The following DCC variants were observed in gnomAD, a reference collection of about 807,000 sequenced individuals.
The protein encoded by DCC is DCC netrin 1 receptor.
DCC carries 58 observed loss-of-function variants against 172.5 expected under a neutral mutation model. The ratio of observed to expected loss-of-function variants is 0.34; its 90% confidence interval spans 0.27 to 0.42. The LOEUF is 0.42. Among genes scored for constraint, DCC ranks in the 10% least tolerant of loss-of-function variants. The probability of loss-of-function intolerance (pLI) is 1.00; values close to 1 mark genes in which losing one functional copy is unlikely to be tolerated. For synonymous variants in DCC, 709 were observed against 644.5 expected, an observed-to-expected ratio of 1.10 and a Z score of -1.52; for missense variants, 1,740 against 1,791.0, an observed-to-expected ratio of 0.97 and a Z score of 0.51.
chr18:52,845,785 A>T (rs2038877787), intron 2 of DCC, among the ~76,000 whole-genome samples: 2 of 152,232 alleles, frequency 1.3e-5, no homozygotes, highest in Admixed American at 6.5e-5. Flanking sequence ...TCAGAAACTG[A>T]ACAAGGTTTA....
intron 16 of DCC, 105 bp from the exon 17 acceptor site, chr18:53,391,550 C>T (rs1255071401): frequency 4.0e-5 from 30 of 756,024 alleles, no homozygotes; most frequent in Non-Finnish European, 6.2e-5. Flanking sequence ...ATCATTATTG[C>T]CATGCATTTA....
intron 2 of DCC, chr18:52,759,158 G>A (rs78962926): frequency 1.7e-3 from 260 of 152,178 alleles, no homozygotes; most frequent in African/African-American, 5.9e-3. Context: ...TTGAGATACA[G>A]CCATCACCAA....
intron 12 of DCC, among the ~76,000 whole-genome samples, chr18:53,237,686 G>T (rs961634270): frequency 6.6e-6 from 1 of 152,006 alleles, no homozygotes; most frequent in Non-Finnish European, 1.5e-5. Flanking sequence ...GCATCTAAAA[G>T]TACATTATTT....
intron 6 of DCC, among the ~76,000 whole-genome samples, chr18:53,064,379 C>A (rs779967716): frequency 2.0e-5 from 3 of 152,136 alleles, no homozygotes; most frequent in Non-Finnish European, 4.4e-5. Flanking sequence ...GAACTTGCAG[C>A]TACAGAAGAG....
chr18:53,153,070 T>C (rs1009345019), intron 7 of DCC, among the ~76,000 whole-genome samples: 1 of 152,130 alleles, frequency 6.6e-6, no homozygotes, highest in Non-Finnish European at 1.5e-5. Context: ...GAGATGCCAA[T>C]TGGTTTGTGA....
At chr18:53,123,502 A>T (rs1350864014) in intron 7 of DCC, among the ~76,000 whole-genome samples, 1 of 152,112 alleles carries the variant, frequency 6.6e-6, no homozygotes, top group East Asian at 1.9e-4. Flanking sequence ...ATCTGAGCTC[A>T]TTAGAAAATT....
chr18:53,331,610 G>A (rs1183099517), intron 14 of DCC, among the ~76,000 whole-genome samples: 4 of 152,176 alleles, frequency 2.6e-5, no homozygotes, highest in African/African-American at 7.2e-5. Flanking sequence ...CAGGAAGTTG[G>A]CAGTGTTTAA....
At chr18:52,838,529 A>T in intron 2 of DCC, among the ~76,000 whole-genome samples, 1 of 152,232 alleles carries the variant, frequency 6.6e-6, no homozygotes, top group Non-Finnish European at 1.5e-5. Flanking sequence ...AGAAAAAGAA[A>T]ACTTAATTTT....
intron 2 of DCC, among the ~76,000 whole-genome samples, chr18:52,808,494 T>C (rs2038130546): frequency 1.3e-5 from 2 of 149,064 alleles, no homozygotes; most frequent in Admixed American, 6.7e-5. Flanking sequence ...AAAGACAAAA[T>C]AGAAAACAAT....
intron 1 of DCC, among the ~76,000 whole-genome samples, chr18:52,738,608 T>A (rs763201694): frequency 6.6e-6 from 1 of 152,202 alleles, no homozygotes; most frequent in Non-Finnish European, 1.5e-5. Flanking sequence ...GTACTTACTA[T>A]AGACTTCATA....
chr18:53,462,714 G>T (rs2045575083), intron 24 of DCC, among the ~76,000 whole-genome samples: 1 of 152,100 alleles, frequency 6.6e-6, no homozygotes, highest in Non-Finnish European at 1.5e-5. Context: ...GTTGGGAATG[G>T]CTGCTTTGTG....
At chr18:52,460,154 C>G (rs117220914) in intron 1 of DCC, among the ~76,000 whole-genome samples, 3,825 of 152,242 alleles carry the variant, frequency 0.025, 87 homozygotes, top group Middle Eastern at 0.068. Context: ...TGCCCCTGCT[C>G]TGCTTCTCTG....
At chr18:52,763,868 C>A (rs2037201199) in intron 2 of DCC, among the ~76,000 whole-genome samples, 1 of 152,172 alleles carries the variant, frequency 6.6e-6, no homozygotes, top group East Asian at 1.9e-4. Flanking sequence ...TCTTGGGCAT[C>A]TTCCTATATT....
intron 1 of DCC, among the ~76,000 whole-genome samples, chr18:52,544,096 C>A (rs762313758): frequency 3.9e-5 from 6 of 152,148 alleles, no homozygotes; most frequent in Non-Finnish European, 8.8e-5. Context: ...TAATTTGGCC[C>A]TGTTGTTCTG....
At chr18:52,620,608 G>A (rs1253643091) in intron 1 of DCC, among the ~76,000 whole-genome samples, 1 of 150,236 alleles carries the variant, frequency 6.7e-6, no homozygotes, top group Non-Finnish European at 1.5e-5. Flanking sequence ...AAGTTTAATT[G>A]TAGCTTTTTT....
chr18:52,375,879 A>C (rs1985324416), intron 1 of DCC, among the ~76,000 whole-genome samples: 1 of 152,218 alleles, frequency 6.6e-6, no homozygotes, highest in Non-Finnish European at 1.5e-5. Flanking sequence ...GTTTTATGCT[A>C]TCAGGATAGC....
At chr18:52,916,560 T>C (rs1161062483) in intron 3 of DCC, among the ~76,000 whole-genome samples, 1 of 152,146 alleles carries the variant, frequency 6.6e-6, no homozygotes. Context: ...TAACCAGTGA[T>C]TGATGTGACA....
At chr18:52,374,417 A>G (rs1985259387) in intron 1 of DCC, among the ~76,000 whole-genome samples, 1 of 152,062 alleles carries the variant, frequency 6.6e-6, no homozygotes, top group African/African-American at 2.4e-5. Context: ...TTCAGTTCCA[A>G]TTTTAGCCCC....
chr18:52,948,438 T>C (rs1436254983), intron 5 of DCC, among the ~76,000 whole-genome samples: 2 of 152,186 alleles, frequency 1.3e-5, no homozygotes, highest in Non-Finnish European at 2.9e-5. Context: ...TTCAAAGCTA[T>C]CATTTATTGA....
Sources: allele counts gnomAD v4.1 joint callset (sites outside exome capture counted in the v4.1 genomes callset), GRCh38; gene constraint gnomAD v4.1.1; transcripts MANE v1.5; gene names NCBI Gene and HGNC (gene_info 2026-07-23, HGNC 2026-07-21).